FBXO4: variants seen among roughly 807,000 people sequenced by gnomAD.
FBXO4 encodes F-box only protein 4.
FBXO4 carries 36 observed loss-of-function variants against 43.7 expected under a neutral mutation model. The ratio of observed to expected loss-of-function variants is 0.82; its 90% CI spans 0.63 to 1.09. FBXO4 has a LOEUF of 1.09. Ranked by LOEUF, FBXO4 falls within the 50% of genes least tolerant of loss-of-function variation. FBXO4 has a pLI of 0.00. For missense variants in FBXO4, 435 were observed against 474.1 expected, an observed-to-expected ratio of 0.92 and a Z score of 0.77; for synonymous variants, 180 against 165.6, an observed-to-expected ratio of 1.09 and a Z score of -0.67.
the FBXO4 span, among the ~76,000 whole-genome samples, chr5:42,023,143 C>T: frequency 2.6e-5 from 4 of 151,936 alleles, no homozygotes; most frequent in South Asian, 2.1e-4. Context: ...GGACCGAATA[C>T]GTGGGCAACC....
intron 5 of FBXO4, chr5:41,934,886 TATA>T (rs1297671647): frequency 1.0e-6 from 1 of 985,722 alleles, no homozygotes; most frequent in East Asian, 1.1e-4. Flanking sequence ...GAGCTAGTAT[TATA>T]ATATCTTTCC....
chr5:41,935,997 G>A (rs1309354996), intron 5 of FBXO4, among the ~76,000 whole-genome samples: 2 of 152,360 alleles, frequency 1.3e-5, no homozygotes, highest in Admixed American at 1.3e-4. Context: ...GCCAAATCCA[G>A]CTCAACTACA....
the FBXO4 span, among the ~76,000 whole-genome samples, chr5:41,996,457 G>A: frequency 6.6e-6 from 1 of 152,114 alleles, no homozygotes; most frequent in Non-Finnish European, 1.5e-5. Flanking sequence ...TCACCTATGG[G>A]GTCCTGCAAA....
At chr5:42,024,228 T>G in the FBXO4 span, among the ~76,000 whole-genome samples, 41 of 152,168 alleles carry the variant, frequency 2.7e-4, no homozygotes, top group African/African-American at 9.4e-4. Context: ...TTAATTTATA[T>G]GTGTGTGTCA....
rs766091060 is a variant in FBXO4, at chr5:41,929,800, C to CCA, written c.531_532dup (p.Arg178HisfsTer13). The CCA allele has an allele frequency of 1.9e-6, 3 of 1,613,972 alleles. No homozygotes were observed. Among genetic ancestry groups the CCA allele is most frequent in the African/African-American group, 2.7e-5 (2 of 74,900 alleles). ...ACACTCCCTGATCATTCAGAATGAA[C>CCA]CACGATTTGCTATGTTTGGACCAGG... On this transcript the variant is annotated frameshift_variant, in exon 3 of 7. Transcript: ENST00000281623. LOFTEE classifies it high-confidence loss of function.
At chr5:42,024,855 T>A in the FBXO4 span, among the ~76,000 whole-genome samples, 2 of 152,000 alleles carry the variant, frequency 1.3e-5, no homozygotes, top group African/African-American at 4.8e-5. Flanking sequence ...TCCAGTTCCA[T>A]CCATATTGTT....
the FBXO4 span, among the ~76,000 whole-genome samples, chr5:42,020,944 A>G: frequency 1.3e-5 from 2 of 152,172 alleles, no homozygotes; most frequent in Non-Finnish European, 2.9e-5. Flanking sequence ...CATTCCAGGC[A>G]TGCTCAAAGG....
chr5:42,030,013 T>A, the FBXO4 span, among the ~76,000 whole-genome samples: 1 of 151,894 alleles, frequency 6.6e-6, no homozygotes, highest in Admixed American at 6.6e-5. Flanking sequence ...ATCAATATCG[T>A]GAAAATGGCC....
the FBXO4 span, among the ~76,000 whole-genome samples, chr5:42,033,010 T>G: frequency 6.6e-6 from 1 of 152,260 alleles, no homozygotes; most frequent in South Asian, 2.1e-4. Context: ...CTGGCCTAGG[T>G]TGTGCTAAAA....
At chr5:41,955,636 C>G in the FBXO4 span, among the ~76,000 whole-genome samples, 1 of 152,112 alleles carries the variant, frequency 6.6e-6, no homozygotes, top group African/African-American at 2.4e-5. Flanking sequence ...AGTTAAAGTT[C>G]ATAGGGCGGA....
downstream of FBXO4, among the ~76,000 whole-genome samples, chr5:41,945,160 A>T (rs982122180): frequency 2.2e-4 from 34 of 152,278 alleles, no homozygotes; most frequent in African/African-American, 4.1e-4. Context: ...ACATTTTTTT[A>T]AAAAAAGTGT....
At chr5:41,933,862 T>C (rs1751767466) in intron 3 of FBXO4, 84 bp from the exon 4 acceptor site, 6 of 1,104,552 alleles carry the variant, frequency 5.4e-6, no homozygotes, top group South Asian at 1.4e-5. Flanking sequence ...TTTACTCTTT[T>C]TGCTTTCACC....
the FBXO4 span, among the ~76,000 whole-genome samples, chr5:42,010,389 T>C: frequency 2.0e-5 from 3 of 151,842 alleles, no homozygotes; most frequent in Non-Finnish European, 2.9e-5. Context: ...GTGCCTGTAA[T>C]CCTAGCTACT....
chr5:42,040,163 A>T, the FBXO4 span, among the ~76,000 whole-genome samples: 12 of 152,180 alleles, frequency 7.9e-5, no homozygotes, highest in East Asian at 1.9e-4. Flanking sequence ...CTTTTGCAAG[A>T]TGTATCCCAT....
the FBXO4 span, among the ~76,000 whole-genome samples, chr5:42,017,161 ATACT>A: frequency 6.6e-6 from 1 of 152,076 alleles, no homozygotes; most frequent in Non-Finnish European, 1.5e-5. Flanking sequence ...GCTTGTCATC[ATACT>A]AAGAATAAAT....
the FBXO4 span, among the ~76,000 whole-genome samples, chr5:42,003,891 T>C: frequency 6.6e-6 from 1 of 152,126 alleles, no homozygotes; most frequent in Non-Finnish European, 1.5e-5. Flanking sequence ...ACCCAAAGAA[T>C]TATAAATCAT....
chr5:42,001,187 TA>T, the FBXO4 span, among the ~76,000 whole-genome samples: 1 of 152,158 alleles, frequency 6.6e-6, no homozygotes, highest in South Asian at 2.1e-4. Context: ...TTTAACAATA[TA>T]AATTCTTCAA....
the FBXO4 span, among the ~76,000 whole-genome samples, chr5:41,964,647 T>C: frequency 6.6e-6 from 1 of 152,008 alleles, no homozygotes; most frequent in South Asian, 2.1e-4. Context: ...TGATGAGCAT[T>C]TTTTCATGGG....
the FBXO4 span, among the ~76,000 whole-genome samples, chr5:41,964,458 A>T: frequency 1.3e-5 from 2 of 152,156 alleles, no homozygotes; most frequent in Non-Finnish European, 2.9e-5. Flanking sequence ...AATCAATATT[A>T]ACTCAAACTC....
Sources: allele counts gnomAD v4.1 joint callset (sites outside exome capture counted in the v4.1 genomes callset), GRCh38; gene constraint gnomAD v4.1.1; transcripts MANE v1.5; gene names NCBI Gene and HGNC (gene_info 2026-07-23, HGNC 2026-07-21).